The following JPH1 variants were observed in gnomAD, a reference collection of about 807,000 sequenced individuals.
The protein encoded by JPH1 is junctophilin 1, also known as junctophilin-1.
In JPH1, 12 loss-of-function variants were observed where a neutral mutation model predicts 53.6. That is an observed-to-expected ratio of 0.22 (90% CI 0.14 to 0.36). The LOEUF is 0.36. Among genes scored for constraint, JPH1 ranks in the 10% least tolerant of loss-of-function variants. The pLI is 1.00. For missense variants in JPH1, 808 were observed against 905.5 expected, an observed-to-expected ratio of 0.89 and a Z score of 1.38; for synonymous variants, 375 against 363.8, an observed-to-expected ratio of 1.03 and a Z score of -0.35.
At chr8:74,265,679 C>A (rs1409342783) in intron 2 of JPH1, among the ~76,000 whole-genome samples, 1 of 152,170 alleles carries the variant, frequency 6.6e-6, no homozygotes, top group Non-Finnish European at 1.5e-5. Context: ...AACGTAATCA[C>A]TGCAACCCAC....
intron 2 of JPH1, among the ~76,000 whole-genome samples, chr8:74,306,909 C>T (rs1042791011): frequency 6.6e-6 from 1 of 152,050 alleles, no homozygotes; most frequent in Non-Finnish European, 1.5e-5. Flanking sequence ...CACTAACATA[C>T]TTAATATAAA....
At chr8:74,250,682 ATTC>A (rs1554534487) in intron 3 of JPH1, among the ~76,000 whole-genome samples, 2 of 152,116 alleles carry the variant, frequency 1.3e-5, no homozygotes, top group Non-Finnish European at 2.9e-5. Context: ...GCCCAAGACA[ATTC>A]TTCTTCTTCT....
rs34040034 is a variant in JPH1 at position 74,302,959 on chromosome 8, G to GA, written c.1139+11901dup. ...TTGTTCCAGTAGGTTGCCAAGAAAA[G>GA]AAAAAAAAAAAAAAAAACAGTCCAA... is the stretch of plus-strand genomic sequence containing the variant. On this transcript the variant is annotated intron_variant, in intron 2 of 5. Coordinates refer to ENST00000342232, the MANE Select transcript of JPH1 (RefSeq NM_020647.4). Among the ~76,000 whole-genome samples the GA allele has an allele frequency of 6.3e-3, 865 of 136,728 alleles. 2 individuals are homozygous for GA. The highest frequency in any genetic ancestry group is 7.9e-3 in the Non-Finnish European group (490 of 61,956). The allele number at this position is 136,728 out of a possible 152,430, so 89.7% of individuals were successfully genotyped here. A position where few individuals can be genotyped will look rare whatever the true frequency, so the allele number is the denominator to read the frequency against.
intron 2 of JPH1, among the ~76,000 whole-genome samples, chr8:74,304,987 C>T (rs1202450219): frequency 6.6e-6 from 1 of 152,130 alleles, no homozygotes; most frequent in Non-Finnish European, 1.5e-5. Flanking sequence ...ATTATACAAA[C>T]AAATGTGAAA....
chr8:74,270,444 A>G (rs779104520), intron 2 of JPH1, among the ~76,000 whole-genome samples: 1 of 152,202 alleles, frequency 6.6e-6, no homozygotes, highest in Non-Finnish European at 1.5e-5. Flanking sequence ...TTTCATCCCA[A>G]TACTCAACAG....
In JPH1 at chr8:74,262,212, A is replaced by T. The variant is rs547023196; in HGVS notation, c.1140-2709T>A. On this transcript the variant is annotated intron_variant, in intron 2 of 5. Coordinates refer to ENST00000342232, the MANE Select transcript of JPH1 (RefSeq NM_020647.4). ...CCGATGACAAGAAGGAAGAACAGAA[A>T]CCCACTCTGAGTTTGCTGTTAACAC... Among the ~76,000 whole-genome samples the T allele has an allele frequency of 5.1e-4, 77 of 152,234 alleles. No homozygotes were observed. The South Asian group carries it at 0.016, about 32-fold the overall frequency.
intron 2 of JPH1, among the ~76,000 whole-genome samples, chr8:74,303,645 G>A (rs1807747528): frequency 6.6e-6 from 1 of 152,036 alleles, no homozygotes; most frequent in South Asian, 2.1e-4. Flanking sequence ...ATGCAGTGGC[G>A]TGATCATAGC....
chr8:74,257,926 T>A (rs953213726), intron 3 of JPH1, among the ~76,000 whole-genome samples: 18 of 152,274 alleles, frequency 1.2e-4, no homozygotes, highest in Admixed American at 1.1e-3. Flanking sequence ...AAACCGAATC[T>A]TCTTTGCCTG....
At position 74,320,330 on chromosome 8, in the gene JPH1, ATGC is replaced by A. The variant is rs1280967082; in HGVS notation, c.379+576_379+578del. Among the ~76,000 whole-genome samples the A allele has an allele frequency of 6.6e-6, 1 of 152,090 alleles. No individual in the cohort carries two copies. Among genetic ancestry groups the A allele is most frequent in the East Asian group, 1.9e-4 (1 of 5,164 alleles). On this transcript the variant is annotated intron_variant, in intron 1 of 5. Coordinates refer to ENST00000342232, the MANE Select transcript of JPH1 (RefSeq NM_020647.4). The surrounding 1 kb of genome is among the most constrained non-coding windows in gnomAD (Gnocchi z 4.4). ...GCTCCCATAACTAGGACGTTTCCAA[ATGC>A]ACCCCCAAATAAGGTACAATTCCCC...
Position 74,320,444 on chromosome 8 carries a change from C to T in JPH1, c.379+465G>A, listed in dbSNP as rs1318113195. Among the ~76,000 whole-genome samples the T allele has an allele frequency of 2.0e-5, 3 of 152,160 alleles. No homozygotes were observed. Among genetic ancestry groups the T allele is most frequent in the Admixed American group, 1.3e-4 (2 of 15,282 alleles). ...ATACGACTCCACGTGAAACCAATCCCGGGAGCGGTCAGCACGGACCGCCAA... is the reference window on the plus strand; with the variant it reads ...ATACGACTCCACGTGAAACCAATCCTGGGAGCGGTCAGCACGGACCGCCAA... On this transcript the variant is annotated intron_variant, in intron 1 of 5. Coordinates refer to ENST00000342232, the MANE Select transcript of JPH1 (RefSeq NM_020647.4). The surrounding 1 kb of genome is among the most constrained non-coding windows in gnomAD (Gnocchi z 4.4).
At chr8:74,254,521 A>G (rs1171577826) in intron 3 of JPH1, among the ~76,000 whole-genome samples, 2 of 152,068 alleles carry the variant, frequency 1.3e-5, no homozygotes, top group Admixed American at 6.5e-5. Context: ...CCTATTCAAC[A>G]TAGTGTTGGA....
At chr8:74,268,635 G>T (rs1806607872) in intron 2 of JPH1, among the ~76,000 whole-genome samples, 1 of 152,080 alleles carries the variant, frequency 6.6e-6, no homozygotes, top group African/African-American at 2.4e-5. Context: ...ATCTGAAAGT[G>T]CTTGATAAGA....
chr8:74,285,683 G>T (rs1807144256), intron 2 of JPH1, among the ~76,000 whole-genome samples: 1 of 152,158 alleles, frequency 6.6e-6, no homozygotes, highest in Non-Finnish European at 1.5e-5. Flanking sequence ...TACTTGGTGT[G>T]CTCAGACCCC....
intron 4 of JPH1, among the ~76,000 whole-genome samples, chr8:74,242,517 C>T (rs1367593211): frequency 2.0e-5 from 3 of 152,162 alleles, no homozygotes; most frequent in Non-Finnish European, 4.4e-5. Context: ...AAATTATTCA[C>T]GAATGTCTAA....
intron 3 of JPH1, among the ~76,000 whole-genome samples, chr8:74,251,588 CTTTG>C (rs370915881): frequency 2.0e-4 from 30 of 152,180 alleles, no homozygotes; most frequent in Admixed American, 6.5e-4. Context: ...TCCCACATGG[CTTTG>C]TTTTTTTCTT....
At chr8:74,272,889 C>A (rs1806746592) in intron 2 of JPH1, among the ~76,000 whole-genome samples, 1 of 152,036 alleles carries the variant, frequency 6.6e-6, no homozygotes, top group Non-Finnish European at 1.5e-5. Flanking sequence ...CAGGCGTGAG[C>A]CACCGCGCCC....
chr8:74,244,135 C>A (rs1805779462), intron 4 of JPH1, among the ~76,000 whole-genome samples: 1 of 152,136 alleles, frequency 6.6e-6, no homozygotes, highest in African/African-American at 2.4e-5. Context: ...TTGTTGGTGC[C>A]CTTTTCCTAG....
At chr8:74,240,105 G>T (rs1292521896) in intron 4 of JPH1, among the ~76,000 whole-genome samples, 1 of 152,070 alleles carries the variant, frequency 6.6e-6, no homozygotes, top group African/African-American at 2.4e-5. Context: ...CCGAGTAGCT[G>T]GGACTACAGG....
intron 2 of JPH1, among the ~76,000 whole-genome samples, chr8:74,290,777 A>G (rs899552897): frequency 6.6e-6 from 1 of 152,222 alleles, no homozygotes; most frequent in African/African-American, 2.4e-5. Flanking sequence ...TGGTACCAAA[A>G]CAGAGATATA....
Sources: gnomAD v4.1 joint callset for allele counts (sites outside exome capture counted in the v4.1 genomes callset) on GRCh38, gnomAD v4.1.1 for gene constraint, Gnocchi (gnomAD v3.1) non-coding constraint, MANE v1.5 for transcripts, NCBI Gene and HGNC (gene_info 2026-07-23, HGNC 2026-07-21) for gene names.